Variants in KDM4B observed in about 807,000 individuals in gnomAD.
The protein encoded by KDM4B is lysine-specific demethylase 4B.
In KDM4B, 32 loss-of-function variants were observed where a neutral mutation model predicts 125.2. That is an observed-to-expected ratio of 0.26 (90% confidence interval 0.19 to 0.34). The LOEUF (loss-of-function observed/expected upper bound fraction) is 0.34. KDM4B is among the 10% of genes least tolerant of loss of function. The pLI, the probability that KDM4B is intolerant of heterozygous loss-of-function variation, is 1.00. For synonymous variants in KDM4B, 721 were observed against 677.9 expected, an observed-to-expected ratio of 1.06 and a Z score of -0.99; for missense variants, 1,190 against 1,577.7, an observed-to-expected ratio of 0.75 and a Z score of 4.16.
At chr19:5,144,990 G>T in intron 21 of KDM4B, 88 bp downstream of exon 21, 4 of 1,569,404 alleles carry the variant, frequency 2.5e-6, no homozygotes, top group Non-Finnish European at 3.5e-6. Flanking sequence ...CCTGGCCCAG[G>T]TGCCTTTGCC....
intron 9 of KDM4B, among the ~76,000 whole-genome samples, chr19:5,108,071 G>C (rs1490122013): frequency 6.6e-6 from 1 of 152,264 alleles, no homozygotes. Context: ...GCCAGCCCCA[G>C]CCGGGCAAGG....
At chr19:4,985,647 G>A (rs1335220486) in intron 1 of KDM4B, among the ~76,000 whole-genome samples, 2 of 152,254 alleles carry the variant, frequency 1.3e-5, no homozygotes, top group African/African-American at 4.8e-5. Context: ...CCGGGTGAGA[G>A]GCGGGTGTGA....
intron 1 of KDM4B, among the ~76,000 whole-genome samples, chr19:4,999,535 T>C (rs2035301673): frequency 6.6e-6 from 1 of 152,172 alleles, no homozygotes; most frequent in African/African-American, 2.4e-5. Flanking sequence ...TGTCTTTGCT[T>C]CTAGGTCCTC....
chr19:5,131,589 G>A (rs1375491359), intron 12 of KDM4B, 44 bp downstream of exon 12: 10 of 622,258 alleles, frequency 1.6e-5, no homozygotes, highest in Non-Finnish European at 2.5e-5. Context: ...GGCAGGTGGG[G>A]TGGGGCAGGG....
Position 5,114,439 on chromosome 19 carries a change from C to A in KDM4B, c.1115+3621C>A. 1 of 406,422 alleles carries A rather than the reference C, an allele frequency of 2.5e-6. No individual in the cohort carries two copies. The highest frequency in any genetic ancestry group is 1.8e-5 in the South Asian group (1 of 55,830). 25.2% of individuals were successfully genotyped at this position (406,422 alleles called of 1,614,324 possible). ...CCGACTCCTGCCAGGGCTGCCACGGCTGCCACACCCCAGCTGCATTCCTGA... is the reference window on the plus strand; with the variant it reads ...CCGACTCCTGCCAGGGCTGCCACGGATGCCACACCCCAGCTGCATTCCTGA... On this transcript the variant is annotated intron_variant, in intron 10 of 22. Coordinates refer to ENST00000159111, the MANE Select transcript of KDM4B (RefSeq NM_015015.3). The surrounding 1 kb of genome is among the most constrained non-coding windows in gnomAD (Gnocchi z 5.8).
At chr19:5,083,109 A>AT (rs2038355506) in intron 9 of KDM4B, among the ~76,000 whole-genome samples, 1 of 151,554 alleles carries the variant, frequency 6.6e-6, no homozygotes, top group Admixed American at 6.6e-5. Context: ...CCCTTGCTTG[A>AT]TTTTTTTCTG....
At chr19:5,117,668 G>A (rs1437545093) in intron 10 of KDM4B, among the ~76,000 whole-genome samples, 1 of 152,200 alleles carries the variant, frequency 6.6e-6, no homozygotes, top group Non-Finnish European at 1.5e-5. Flanking sequence ...GGCTGCTGTT[G>A]TGGAGAACGT....
At position 5,032,914 on chromosome 19, in the gene KDM4B, C is replaced by T; in HGVS notation, c.24C>T (p.Ala8=). The change falls in exon 3 of 23, where the codon GCC becomes GCT. Residue 8 remains alanine (A), a synonymous_variant. Transcript: ENST00000159111. ...CCATGGGGTCTGAGGACCACGGCGCCCAGAACCCCAGCTGTAAAATCATGA... is the reference window on the plus strand; with the variant it reads ...CCATGGGGTCTGAGGACCACGGCGCTCAGAACCCCAGCTGTAAAATCATGA... The part of the protein sequence containing the change: MGSEDHG[A]QNPSCKIMTF... 1.2e-6 allele frequency: 2 copies of T among 1,614,176 alleles called. No homozygotes were observed. Among genetic ancestry groups the T allele is most frequent in the East Asian group, 2.2e-5 (1 of 44,878 alleles).
rs2039563826 is a variant in KDM4B, at chr19:5,131,904, C to A, written c.1803C>A (p.Ser601=). 6.2e-7 allele frequency: 1 copy of A among 1,612,690 alleles called. No individual in the cohort carries two copies. Among genetic ancestry groups the A allele is most frequent in the African/African-American group, 1.3e-5 (1 of 74,896 alleles). The change falls in exon 13 of 23, where the codon TCC becomes TCA. Residue 601 remains serine, a synonymous_variant. Transcript: ENST00000159111. ...TGTTTCAGGCACCGTCCACATTTTC[C>A]AAATTGAAGATGGAGATCAAGAAGA... ...AGEGQAPSTF[S]KLKMEIKKSR...
rs74170763 is a variant in KDM4B, at chr19:5,057,029, CGTGTGTGTGT to C, written c.626+9388_626+9397del. Among the ~76,000 whole-genome samples, 479 of 144,172 alleles carry C rather than the reference CGTGTGTGTGT, an allele frequency of 3.3e-3. 3 individuals carry two copies. Among genetic ancestry groups the C allele is most frequent in the Middle Eastern group, 7.0e-3 (2 of 284 alleles). 94.6% of individuals were successfully genotyped at this position (144,172 alleles called of 152,430 possible). Reference sequence around the variant, plus strand: ...AGCATGTAAGTACCAGATATATATGCGTGTGTGTGTGTGTGTGTGTGTGTGTGTGTGTGTG... The same window carrying C: ...AGCATGTAAGTACCAGATATATATGCGTGTGTGTGTGTGTGTGTGTGTGTG... On this transcript the variant is annotated intron_variant, in intron 6 of 22. Coordinates refer to ENST00000159111, the MANE Select transcript of KDM4B (RefSeq NM_015015.3).
At chr19:5,117,441 G>A (rs905827323) in intron 10 of KDM4B, among the ~76,000 whole-genome samples, 3 of 152,226 alleles carry the variant, frequency 2.0e-5, no homozygotes, top group South Asian at 4.1e-4. Flanking sequence ...GGACCAGGGC[G>A]GGTCCACTGT....
chr19:4,993,813 T>C (rs994670613), intron 1 of KDM4B, among the ~76,000 whole-genome samples: 4 of 152,016 alleles, frequency 2.6e-5, no homozygotes, highest in African/African-American at 9.7e-5. Context: ...GGTCTTACTA[T>C]GTTGCCCAGG....
rs1287579654 is a variant in KDM4B, at chr19:5,082,912, G to T, written c.918+408G>T. On this transcript the variant is annotated intron_variant, in intron 9 of 22. Coordinates refer to ENST00000159111, the MANE Select transcript of KDM4B (RefSeq NM_015015.3). This position sits in a 1 kb window ranked among gnomAD's most constrained non-coding sequence, Gnocchi z 5.4. ...TCATGGTCCTGGGGTTGGGTTGTTT[G>T]CTGACATCTCTCTCCTGGGGGCCGC... Among the ~76,000 whole-genome samples, 1 of 152,168 alleles carries T rather than the reference G, an allele frequency of 6.6e-6. No homozygotes were observed. The highest frequency in any genetic ancestry group is 1.5e-5 in the Non-Finnish European group (1 of 68,020).
chr19:5,104,942 G>A (rs984991612), intron 9 of KDM4B, among the ~76,000 whole-genome samples: 4 of 152,306 alleles, frequency 2.6e-5, no homozygotes, highest in Admixed American at 1.3e-4. Flanking sequence ...CATCCCAGCC[G>A]GAATGTGCAA....
intron 1 of KDM4B, among the ~76,000 whole-genome samples, chr19:5,014,220 C>A (rs528853088): frequency 6.6e-6 from 1 of 152,200 alleles, no homozygotes; most frequent in Non-Finnish European, 1.5e-5. Flanking sequence ...TGGGCTCATG[C>A]GATCCTCCTG....
chr19:4,994,020 G>GTTTTTTTTTTTT (rs55641886), intron 1 of KDM4B, among the ~76,000 whole-genome samples: 14 of 66,700 alleles, frequency 2.1e-4, no homozygotes, highest in Admixed American at 3.5e-4. Flanking sequence ...TTTTCAGCCT[G>GTTTTTTTTTTTT]TTTTTTTTTT....
intron 2 of KDM4B, among the ~76,000 whole-genome samples, chr19:5,021,453 G>C (rs2036116498): frequency 6.6e-6 from 1 of 152,064 alleles, no homozygotes; most frequent in Admixed American, 6.5e-5. Flanking sequence ...GAAAGTACTG[G>C]GTGTGGTGGC....
chr19:5,039,051 G>C (rs2036721563), intron 3 of KDM4B, among the ~76,000 whole-genome samples: 1 of 152,262 alleles, frequency 6.6e-6, no homozygotes, highest in African/African-American at 2.4e-5. Flanking sequence ...GTGGCCCCTG[G>C]TGGGCTCTTG....
At chr19:5,149,252 G>A (rs1382749916) in intron 21 of KDM4B, among the ~76,000 whole-genome samples, 1 of 152,262 alleles carries the variant, frequency 6.6e-6, no homozygotes, top group Non-Finnish European at 1.5e-5. Context: ...TTCCGCGATG[G>A]TCTTACTGTG....
Sources: gnomAD v4.1 joint callset for allele counts (sites outside exome capture counted in the v4.1 genomes callset) on GRCh38, gnomAD v4.1.1 for gene constraint, Gnocchi (gnomAD v3.1) non-coding constraint, MANE v1.5 for transcripts, NCBI Gene and HGNC (gene_info 2026-07-23, HGNC 2026-07-21) for gene names.